Variants in TAMM41 observed in about 807,000 individuals in gnomAD.
The protein encoded by TAMM41 is phosphatidate cytidylyltransferase, mitochondrial.
Under a neutral mutation model 44.1 loss-of-function variants are expected in TAMM41, and 36 were observed. The ratio of observed to expected loss-of-function variants is 0.82; its 90% confidence interval spans 0.63 to 1.08. The LOEUF is 1.08. TAMM41 is among the 50% of genes least tolerant of loss of function. The probability of loss-of-function intolerance (pLI) is 0.00; values close to 1 mark genes in which losing one functional copy is unlikely to be tolerated. For missense variants in TAMM41, 417 were observed against 404.3 expected (o/e 1.03, Z -0.27); for synonymous variants, 164 against 153.1 (o/e 1.07, Z -0.53).
At chr3:11,846,470 C>T (rs775220641) in intron 1 of TAMM41, 32 bp downstream of exon 1, 1 of 1,613,484 alleles carries the variant, frequency 6.2e-7, no homozygotes, top group East Asian at 2.2e-5. Flanking sequence ...TGAGAACAGA[C>T]AGTTCCCCGT....
At chr3:11,726,460 A>G in the TAMM41 span, among the ~76,000 whole-genome samples, 1 of 152,244 alleles carries the variant, frequency 6.6e-6, no homozygotes, top group Non-Finnish European at 1.5e-5. Context: ...GCTTAGTGAC[A>G]AAGTGTCGAG....
intron 1 of TAMM41, among the ~76,000 whole-genome samples, chr3:11,844,664 G>C (rs969190735): frequency 6.6e-6 from 1 of 152,140 alleles, no homozygotes; most frequent in African/African-American, 2.4e-5. Context: ...AATGTGCTCC[G>C]CTTTTCTTCT....
the TAMM41 span, among the ~76,000 whole-genome samples, chr3:11,732,005 T>C: frequency 6.6e-6 from 1 of 152,098 alleles, no homozygotes; most frequent in Non-Finnish European, 1.5e-5. Context: ...TAGCTGGTAT[T>C]ACAAGCATGC....
chr3:11,803,617 C>A (rs1394969417), intron 7 of TAMM41, among the ~76,000 whole-genome samples: 4 of 152,014 alleles, frequency 2.6e-5, no homozygotes, highest in Admixed American at 6.6e-5. Context: ...ACAAAAAAAA[C>A]CACTCGTATG....
At chr3:11,804,135 C>T (rs2077833314) in intron 7 of TAMM41, among the ~76,000 whole-genome samples, 1 of 152,186 alleles carries the variant, frequency 6.6e-6, no homozygotes, top group Non-Finnish European at 1.5e-5. Flanking sequence ...AGCATCAGCA[C>T]TCCAGGGCCA....
chr3:11,772,429 C>T, the TAMM41 span, among the ~76,000 whole-genome samples: 17 of 152,254 alleles, frequency 1.1e-4, no homozygotes, highest in Admixed American at 2.0e-4. Context: ...TATTGTTTAG[C>T]TGTCACAAGT....
chr3:11,780,389 C>A, the TAMM41 span, among the ~76,000 whole-genome samples: 1 of 152,204 alleles, frequency 6.6e-6, no homozygotes, highest in Non-Finnish European at 1.5e-5. Flanking sequence ...CTCTGGCTAA[C>A]CCCTACTTGT....
chr3:11,762,480 T>C, the TAMM41 span, among the ~76,000 whole-genome samples: 1 of 152,148 alleles, frequency 6.6e-6, no homozygotes, highest in African/African-American at 2.4e-5. Context: ...ATTTACATCT[T>C]CCCATCCTGA....
At chr3:11,744,753 A>C in the TAMM41 span, among the ~76,000 whole-genome samples, 1 of 152,116 alleles carries the variant, frequency 6.6e-6, no homozygotes, top group Non-Finnish European at 1.5e-5. Context: ...TAGATTGGGC[A>C]TGGTGGCTCA....
chr3:11,729,538 C>CTTTTTTTTTTTTTT, the TAMM41 span, among the ~76,000 whole-genome samples: 51 of 65,524 alleles, frequency 7.8e-4, 12 homozygotes, highest in African/African-American at 2.6e-3. Flanking sequence ...TTCTTTCTTT[C>CTTTTTTTTTTTTTT]ATTTTTTTTT....
the TAMM41 span, among the ~76,000 whole-genome samples, chr3:11,774,768 G>A: frequency 2.0e-5 from 3 of 152,146 alleles, no homozygotes; most frequent in African/African-American, 7.2e-5. Flanking sequence ...ATAGAAGAAG[G>A]AAGAAAGGAT....
the TAMM41 span, among the ~76,000 whole-genome samples, chr3:11,734,821 G>A: frequency 6.2e-3 from 918 of 148,196 alleles, 12 homozygotes; most frequent in African/African-American, 0.022. Context: ...GGATCACAAG[G>A]TCAGGAGATC....
intron 3 of TAMM41, among the ~76,000 whole-genome samples, chr3:11,835,055 A>C (rs1204528987): frequency 1.3e-5 from 2 of 152,238 alleles, no homozygotes; most frequent in African/African-American, 4.8e-5. Context: ...AAGATGCAAG[A>C]CAATTCTGGG....
At chr3:11,788,831 G>T (rs1404400139), downstream of TAMM41, among the ~76,000 whole-genome samples, 5 of 152,018 alleles carry the variant, frequency 3.3e-5, no homozygotes, top group African/African-American at 1.2e-4. Flanking sequence ...CAGCTACTCG[G>T]GACGCTGAAG....
intron 7 of TAMM41, among the ~76,000 whole-genome samples, chr3:11,801,863 T>A (rs2124936613): frequency 6.6e-6 from 1 of 151,132 alleles, no homozygotes; most frequent in South Asian, 2.1e-4. Flanking sequence ...AGAAAAGAAA[T>A]AACAAAGATC....
chr3:11,810,960 T>C (rs1424175744), intron 5 of TAMM41: 4 of 151,618 alleles, frequency 2.6e-5, no homozygotes, highest in African/African-American at 4.9e-5. Context: ...TACAGTTCTG[T>C]CTACTTGGGA....
chr3:11,778,209 T>C, the TAMM41 span, among the ~76,000 whole-genome samples: 84,068 of 151,750 alleles, frequency 0.55, 23,952 homozygotes, highest in East Asian at 0.76. Context: ...ATTTCTCGGT[T>C]ATATGAGAAC....
downstream of TAMM41, among the ~76,000 whole-genome samples, chr3:11,786,319 T>TTATTATTATTA (rs1559259455): frequency 2.0e-5 from 2 of 100,326 alleles, no homozygotes; most frequent in East Asian, 2.3e-4. Context: ...TATTATTATT[T>TTATTATTATTA]TTTGAGATGG....
intron 4 of TAMM41, among the ~76,000 whole-genome samples, chr3:11,827,943 C>T (rs576657550): frequency 6.6e-6 from 1 of 152,272 alleles, no homozygotes; most frequent in East Asian, 1.9e-4. Context: ...TGCCCACTCC[C>T]AGGAAAAATA....
Sources: allele counts gnomAD v4.1 joint callset (sites outside exome capture counted in the v4.1 genomes callset), GRCh38; gene constraint gnomAD v4.1.1; transcripts MANE v1.5; gene names NCBI Gene and HGNC (gene_info 2026-07-23, HGNC 2026-07-21).